ARHGAP35: variants seen among roughly 807,000 people sequenced by gnomAD.
ARHGAP35 encodes the protein Rho GTPase activating protein 35.
ARHGAP35 carries 15 observed loss-of-function variants against 111.1 expected under a neutral mutation model. That is an observed-to-expected ratio of 0.13 (90% CI 0.09 to 0.21). The LOEUF (loss-of-function observed/expected upper bound fraction) is 0.21, where lower values mean the gene tolerates loss of function less well. Among genes scored for constraint, ARHGAP35 ranks in the 10% least tolerant of loss-of-function variants. ARHGAP35 has a pLI of 1.00. For synonymous variants in ARHGAP35, 643 were observed against 710.3 expected (o/e 0.91, Z 1.51); for missense variants, 1,262 against 1,873.0 (o/e 0.67, Z 6.02).
intron 1 of ARHGAP35, among the ~76,000 whole-genome samples, chr19:46,870,379 A>G (rs1167196624): frequency 6.6e-6 from 1 of 151,678 alleles, no homozygotes; most frequent in Non-Finnish European, 1.5e-5. Flanking sequence ...GGAGATCGAG[A>G]CCACCGTGGC....
At chr19:46,896,289 T>C (rs1294365069) in intron 1 of ARHGAP35, among the ~76,000 whole-genome samples, 1 of 151,826 alleles carries the variant, frequency 6.6e-6, no homozygotes, top group Non-Finnish European at 1.5e-5. Context: ...CCAGCTGAGG[T>C]GTATCACCGG....
chr19:46,888,020 C>T (rs1002557966), intron 1 of ARHGAP35, among the ~76,000 whole-genome samples: 4 of 149,552 alleles, frequency 2.7e-5, no homozygotes, highest in African/African-American at 7.4e-5. Context: ...GGCACGATCT[C>T]GGCTTACTGC....
At chr19:46,949,447 C>T (rs901665947) in intron 3 of ARHGAP35, among the ~76,000 whole-genome samples, 2 of 152,322 alleles carry the variant, frequency 1.3e-5, no homozygotes, top group Middle Eastern at 6.8e-3. Flanking sequence ...TGTGTTGTGC[C>T]TCCTGGCCAA....
At chr19:46,997,242 A>G (rs2056715797) in intron 5 of ARHGAP35, among the ~76,000 whole-genome samples, 1 of 152,234 alleles carries the variant, frequency 6.6e-6, no homozygotes, top group Admixed American at 6.5e-5. Context: ...TCATAGCCCA[A>G]TAACTAGCTC....
intron 1 of ARHGAP35, among the ~76,000 whole-genome samples, chr19:46,907,636 G>T (rs2056117314): frequency 6.6e-6 from 1 of 150,620 alleles, no homozygotes; most frequent in Non-Finnish European, 1.5e-5. Flanking sequence ...CCACCACTAT[G>T]ACCGGCTAAT....
chr19:46,943,199 A>T (rs988732530), intron 3 of ARHGAP35, among the ~76,000 whole-genome samples: 2 of 152,114 alleles, frequency 1.3e-5, no homozygotes, highest in Admixed American at 1.3e-4. Flanking sequence ...ACACTCAGCC[A>T]ATGATGACCT....
At chr19:46,894,540 G>A in intron 1 of ARHGAP35, among the ~76,000 whole-genome samples, 1 of 151,052 alleles carries the variant, frequency 6.6e-6, no homozygotes, top group Non-Finnish European at 1.5e-5. Context: ...CTGCCTCCTG[G>A]GTTCAAGCGA....
rs181897618 is a variant in ARHGAP35, at chr19:46,907,909, T to A, written c.-188-10579T>A. 3.9e-3 allele frequency among the ~76,000 whole-genome samples: 597 copies of A among 152,328 alleles called. 3 individuals carry two copies. Among genetic ancestry groups the A allele is most frequent in the Middle Eastern group, 0.014 (4 of 294 alleles). On this transcript the variant is annotated intron_variant, in intron 1 of 6. Coordinates refer to ENST00000672722, the MANE Select transcript of ARHGAP35 (RefSeq NM_004491.5). ...CGATAGCCTGTTTTGGGACTGGCAG[T>A]TTACAGAATAATGCAAGTGAGTAGT... is the stretch of plus-strand genomic sequence containing the variant.
chr19:46,978,593 TGGGGG>T (rs1184719981), intron 3 of ARHGAP35, among the ~76,000 whole-genome samples: 1 of 77,822 alleles, frequency 1.3e-5, no homozygotes, highest in Non-Finnish European at 2.6e-5. Flanking sequence ...GTGGGGCGTG[TGGGGG>T]GGGTGTGGTG....
At chr19:46,880,807 C>G (rs1277835521) in intron 1 of ARHGAP35, among the ~76,000 whole-genome samples, 1 of 151,598 alleles carries the variant, frequency 6.6e-6, no homozygotes, top group East Asian at 1.9e-4. Flanking sequence ...TACCGAGTAC[C>G]TGAGACTACA....
At chr19:46,984,085 G>T (rs528994179) in intron 3 of ARHGAP35, among the ~76,000 whole-genome samples, 1 of 152,156 alleles carries the variant, frequency 6.6e-6, no homozygotes, top group Non-Finnish European at 1.5e-5. Flanking sequence ...CAGCCAGTAG[G>T]GAGGGCTTTT....
At chr19:46,878,516 G>A (rs192818390) in intron 1 of ARHGAP35, among the ~76,000 whole-genome samples, 54 of 151,692 alleles carry the variant, frequency 3.6e-4, no homozygotes, top group Admixed American at 3.5e-3. Flanking sequence ...ATGGGGTTTC[G>A]CCATGTTGGC....
At position 46,918,480 on chromosome 19, in the gene ARHGAP35, C is replaced by T. The variant is rs560298157; in HGVS notation, c.-188-8C>T. Among the ~76,000 whole-genome samples the T allele has an allele frequency of 6.6e-6, 1 of 151,646 alleles. No individual in the cohort carries two copies. The highest frequency in any genetic ancestry group is 2.1e-4 in the South Asian group (1 of 4,804). Reference sequence around the variant, plus strand: ...CTGATGGGTTTTCTTTTTTTTTCCCCCATCTAGGAAGAAATGTTGGCTATT... The same window carrying T: ...CTGATGGGTTTTCTTTTTTTTTCCCTCATCTAGGAAGAAATGTTGGCTATT... On this transcript the variant is annotated splice_region_variant and splice_polypyrimidine_tract_variant and intron_variant, in intron 1 of 6. Transcript: ENST00000672722. This position sits in a 1 kb window ranked among gnomAD's most constrained non-coding sequence, Gnocchi z 5.4.
Position 47,000,911 on chromosome 19 carries a change from G to C in ARHGAP35, c.*223G>C. The C allele has an allele frequency of 6.5e-7, 1 of 1,531,746 alleles. No individual in the cohort carries two copies. Among genetic ancestry groups the C allele is most frequent in the Non-Finnish European group, 8.7e-7 (1 of 1,144,680 alleles). The allele number at this position is 1,531,746 out of a possible 1,614,324, so 94.9% of individuals were successfully genotyped here. On this transcript the variant is annotated 3_prime_UTR_variant, in exon 7 of 7. Transcript: ENST00000672722. The surrounding 1 kb of genome is among the most constrained non-coding windows in gnomAD (Gnocchi z 6.9). The stretch of plus-strand genomic sequence containing the variant: ...GACCTGAGCTGGCTTGGACCCATTT[G>C]AGGACTGAACTAGGCAGGCAATGGC...
chr19:46,902,388 G>A (rs2056086764), intron 1 of ARHGAP35, among the ~76,000 whole-genome samples: 1 of 152,092 alleles, frequency 6.6e-6, no homozygotes, highest in African/African-American at 2.4e-5. Context: ...AAAACTTTGT[G>A]ACTCCAGACA....
At chr19:46,872,018 A>G (rs2055890334) in intron 1 of ARHGAP35, among the ~76,000 whole-genome samples, 1 of 152,074 alleles carries the variant, frequency 6.6e-6, no homozygotes, top group Non-Finnish European at 1.5e-5. Context: ...GGACCAAGAA[A>G]GAGAGATGTG....
Position 46,993,391 on chromosome 19 carries a change from C to T in ARHGAP35, c.4036+3716C>T. 6.6e-6 allele frequency among the ~76,000 whole-genome samples: 1 copy of T among 152,252 alleles called. No homozygotes were observed. Among genetic ancestry groups the T allele is most frequent in the East Asian group, 1.9e-4 (1 of 5,192 alleles). ...GGCAGCAGCAGACCCAGGCCTAGAG[C>T]TTGGTTGGCAGCCTGGCTGCCAGTG... On this transcript the variant is annotated intron_variant, in intron 5 of 6. Transcript: ENST00000672722. This position sits in a 1 kb window ranked among gnomAD's most constrained non-coding sequence, Gnocchi z 4.6.
chr19:46,940,852 C>T (rs1235533024), intron 3 of ARHGAP35, among the ~76,000 whole-genome samples: 1 of 152,016 alleles, frequency 6.6e-6, no homozygotes, highest in African/African-American at 2.4e-5. Flanking sequence ...TTGCTCTGTC[C>T]CCTCCACTTC....
rs1374714489 is a variant in ARHGAP35, at chr19:46,993,483, T to G, written c.4036+3808T>G. Among the ~76,000 whole-genome samples the G allele has an allele frequency of 6.6e-6, 1 of 152,226 alleles. No individual in the cohort carries two copies. The highest frequency in any genetic ancestry group is 2.4e-5 in the African/African-American group (1 of 41,474). On this transcript the variant is annotated intron_variant, in intron 5 of 6. Transcript: ENST00000672722. The surrounding 1 kb of genome is among the most constrained non-coding windows in gnomAD (Gnocchi z 4.6). ...GGGAACAGGGTCTCTGCCGCCACTT[T>G]GTTTGACCTTGGACCGGTATTCTGG...
Sources: gnomAD v4.1 joint callset for allele counts (sites outside exome capture counted in the v4.1 genomes callset) on GRCh38, gnomAD v4.1.1 for gene constraint, Gnocchi (gnomAD v3.1) non-coding constraint, MANE v1.5 for transcripts, NCBI Gene and HGNC (gene_info 2026-07-23, HGNC 2026-07-21) for gene names.